Variants in MAST4 observed in about 807,000 individuals in gnomAD.
MAST4 encodes the protein microtubule-associated serine/threonine-protein kinase 4.
Under a neutral mutation model 162.7 loss-of-function variants are expected in MAST4, and 89 were observed. The ratio of observed to expected loss-of-function variants is 0.55; its 90% CI spans 0.46 to 0.65. MAST4 has a LOEUF of 0.65. Among genes scored for constraint, MAST4 ranks in the 30% least tolerant of loss-of-function variants. The pLI is 0.00. For missense variants in MAST4, 3,153 were observed against 3,374.0 expected, an observed-to-expected ratio of 0.93 and a Z score of 1.62; for synonymous variants, 1,479 against 1,361.1, an observed-to-expected ratio of 1.09 and a Z score of -1.91.
At chr5:67,121,128 A>G (rs1271669917) in intron 14 of MAST4, 26 bp downstream of exon 14, 2 of 1,511,314 alleles carry the variant, frequency 1.3e-6, no homozygotes, top group Non-Finnish European at 1.8e-6. Flanking sequence ...AAAGCTCTCT[A>G]TTGTATTTCT....
intron 5 of MAST4, among the ~76,000 whole-genome samples, chr5:67,085,925 C>T (rs1763184889): frequency 6.6e-6 from 1 of 152,156 alleles, no homozygotes; most frequent in South Asian, 2.1e-4. Flanking sequence ...GAGGTTCCTG[C>T]ATCGTGTTCC....
At chr5:66,676,215 A>G (rs1747936444) in intron 1 of MAST4, among the ~76,000 whole-genome samples, 1 of 152,224 alleles carries the variant, frequency 6.6e-6, no homozygotes, top group Non-Finnish European at 1.5e-5. Context: ...AGTGTCTGGA[A>G]GGAAGCACAG....
chr5:66,725,386 A>C (rs114289668), intron 1 of MAST4, among the ~76,000 whole-genome samples: 2 of 121,648 alleles, frequency 1.6e-5, no homozygotes, highest in South Asian at 6.9e-4. Context: ...CTTGTTGTCA[A>C]ATAAAAGCCT....
intron 1 of MAST4, among the ~76,000 whole-genome samples, chr5:66,667,489 TTC>T (rs1747334405): frequency 6.6e-6 from 1 of 152,204 alleles, no homozygotes; most frequent in Non-Finnish European, 1.5e-5. Context: ...CTTATTACAT[TTC>T]TCTCATCTTT....
At chr5:67,081,731 T>C (rs936637910) in intron 5 of MAST4, among the ~76,000 whole-genome samples, 6 of 152,238 alleles carry the variant, frequency 3.9e-5, no homozygotes, top group African/African-American at 7.2e-5. Flanking sequence ...TGTTGACATA[T>C]ATAGTATTTT....
At chr5:66,914,824 G>T (rs757175143) in intron 4 of MAST4, among the ~76,000 whole-genome samples, 21 of 152,062 alleles carry the variant, frequency 1.4e-4, no homozygotes, top group Non-Finnish European at 2.8e-4. Context: ...TGGGGACCAG[G>T]GTTTCTCTCA....
chr5:66,757,272 A>G (rs1364769603), intron 1 of MAST4, among the ~76,000 whole-genome samples: 3 of 152,174 alleles, frequency 2.0e-5, no homozygotes, highest in African/African-American at 7.2e-5. Context: ...TGCAGCTGTC[A>G]CTCATAATTA....
intron 27 of MAST4, among the ~76,000 whole-genome samples, chr5:67,162,070 G>GT (rs1254370896): frequency 6.6e-6 from 1 of 152,104 alleles, no homozygotes; most frequent in Non-Finnish European, 1.5e-5. Context: ...ACCTTTCTCG[G>GT]TTTTTTCTAT....
At chr5:66,862,762 G>T (rs1760212562) in intron 3 of MAST4, among the ~76,000 whole-genome samples, 1 of 152,286 alleles carries the variant, frequency 6.6e-6, no homozygotes, top group East Asian at 1.9e-4. Flanking sequence ...TTGTCAAATT[G>T]AACTAGCTTT....
intron 1 of MAST4, among the ~76,000 whole-genome samples, chr5:66,755,334 C>T (rs1299095758): frequency 6.6e-6 from 1 of 152,192 alleles, no homozygotes; most frequent in Non-Finnish European, 1.5e-5. Context: ...AAAGCTTTCT[C>T]TTTCTGCTTA....
intron 4 of MAST4, among the ~76,000 whole-genome samples, chr5:66,935,381 C>T (rs1324889980): frequency 6.6e-6 from 1 of 152,130 alleles, no homozygotes; most frequent in East Asian, 1.9e-4. Context: ...TTCTAGGGTA[C>T]CTATGGAGGC....
intron 1 of MAST4, among the ~76,000 whole-genome samples, chr5:66,740,172 ATC>A (rs1752404695): frequency 6.6e-6 from 1 of 152,214 alleles, no homozygotes; most frequent in Non-Finnish European, 1.5e-5. Flanking sequence ...TCGAAAGGCC[ATC>A]TCATCACATG....
intron 23 of MAST4, among the ~76,000 whole-genome samples, 153 bp downstream of exon 23, chr5:67,145,532 A>G (rs541031750): frequency 6.6e-6 from 1 of 152,246 alleles, no homozygotes; most frequent in Admixed American, 6.5e-5. Context: ...TTGGGACACG[A>G]TCTTCTGAGA....
chr5:66,844,015 C>G (rs917035699), intron 3 of MAST4, among the ~76,000 whole-genome samples: 4 of 152,008 alleles, frequency 2.6e-5, no homozygotes, highest in African/African-American at 7.2e-5. Flanking sequence ...CCTCCTCATG[C>G]AAGGAGGGTG....
chr5:66,876,876 C>G (rs79713343), intron 3 of MAST4, among the ~76,000 whole-genome samples: 1,758 of 152,084 alleles, frequency 0.012, 30 homozygotes, highest in South Asian at 0.053. Context: ...AGCAACAGCC[C>G]GAAGGAACAC....
chr5:66,796,450 T>C (rs1264038432), intron 3 of MAST4, among the ~76,000 whole-genome samples: 1 of 152,180 alleles, frequency 6.6e-6, no homozygotes, highest in Non-Finnish European at 1.5e-5. Flanking sequence ...TCTTTAGGTG[T>C]TGTCCTTCCT....
chr5:66,767,030 T>C (rs1754126417), intron 2 of MAST4, among the ~76,000 whole-genome samples: 1 of 152,188 alleles, frequency 6.6e-6, no homozygotes, highest in South Asian at 2.1e-4. Flanking sequence ...AGGTACCGTT[T>C]CCAGTTGGCA....
At chr5:66,852,751 A>G (rs969501839) in intron 3 of MAST4, among the ~76,000 whole-genome samples, 12 of 152,200 alleles carry the variant, frequency 7.9e-5, no homozygotes, top group African/African-American at 2.7e-4. Flanking sequence ...CCATTGTGTC[A>G]GTGGGTTTAA....
In MAST4 at chr5:67,160,543, C is replaced by T. The variant is rs1773069596; in HGVS notation, c.3736C>T (p.Arg1246Trp). ...AGCCAGGAGAAACAGCTATAAGAGCCGGATGGTGAGGCGGAGCAAGAAATC... is the reference window on the plus strand; with the variant it reads ...AGCCAGGAGAAACAGCTATAAGAGCTGGATGGTGAGGCGGAGCAAGAAATC... ...GPARRNSYKS[R>W]MVRRSKKSKK... The change falls in exon 27 of 29, where the codon CGG (arginine) becomes TGG (tryptophan). Residue 1246 changes from arginine (R) to tryptophan (W), a missense_variant. Arg to Trp is a moderately radical substitution (Grantham distance 101). This residue lies in a region of MAST4 where 619 missense variants were observed against 744.2 expected (regional missense o/e 0.83). Coordinates refer to ENST00000403625, the MANE Select transcript of MAST4 (RefSeq NM_001164664.2). The T allele has an allele frequency of 3.7e-6, 6 of 1,613,494 alleles. No homozygotes were observed. Among genetic ancestry groups the T allele is most frequent in the East Asian group, 2.2e-5 (1 of 44,858 alleles).
Sources: gnomAD v4.1 joint callset for allele counts (sites outside exome capture counted in the v4.1 genomes callset) on GRCh38, gnomAD v4.1.1 for gene constraint, gnomAD v4.1.1 regional missense constraint, MANE v1.5 for transcripts, NCBI Gene and HGNC (gene_info 2026-07-23, HGNC 2026-07-21) for gene names.